MKLN1: variants seen among roughly 807,000 people sequenced by gnomAD.
MKLN1 encodes muskelin 1.
MKLN1 carries 18 observed loss-of-function variants against 99.0 expected under a neutral mutation model. The ratio of observed to expected loss-of-function variants is 0.18; its 90% CI spans 0.13 to 0.27. MKLN1 has a LOEUF of 0.27. Among genes scored for constraint, MKLN1 ranks in the 10% least tolerant of loss-of-function variants. The pLI is 1.00. For synonymous variants in MKLN1, 288 were observed against 293.2 expected, an observed-to-expected ratio of 0.98 and a Z score of 0.18; for missense variants, 621 against 875.9, an observed-to-expected ratio of 0.71 and a Z score of 3.67.
At chr7:131,373,167 G>C (rs1563316763) in intron 1 of MKLN1, among the ~76,000 whole-genome samples, 1 of 151,964 alleles carries the variant, frequency 6.6e-6, no homozygotes, top group Non-Finnish European at 1.5e-5. Flanking sequence ...AAATATAAGA[G>C]TAACATTTTA....
rs188039811 is a variant in MKLN1, at chr7:131,158,608, T to G, written c.-297+15667T>G. On this transcript the variant is annotated intron_variant, in intron 2 of 7. Transcript: ENST00000416992. ...TTTCTCTAGATCACACACTTTCCAC[T>G]GATGCCTAAAGTCTTACTGTTTAAT... 2.9e-3 allele frequency among the ~76,000 whole-genome samples: 446 copies of G among 152,326 alleles called. 1 individual carries two copies. The highest frequency in any genetic ancestry group is 0.01 in the African/African-American group (424 of 41,582).
chr7:131,329,472 T>C (rs1799004409), intron 1 of MKLN1, among the ~76,000 whole-genome samples: 1 of 152,248 alleles, frequency 6.6e-6, no homozygotes, highest in African/African-American at 2.4e-5. Context: ...TGACCTCTGA[T>C]ATTCTGGGCT....
chr7:131,187,807 C>A (rs1157228664), intron 2 of MKLN1, among the ~76,000 whole-genome samples: 2 of 152,054 alleles, frequency 1.3e-5, no homozygotes, highest in Non-Finnish European at 2.9e-5. Flanking sequence ...CACAAAAAAA[C>A]TAGCCAGGCA....
chr7:131,157,421 C>A (rs1231959505), intron 2 of MKLN1, among the ~76,000 whole-genome samples: 2 of 151,960 alleles, frequency 1.3e-5, no homozygotes, highest in Admixed American at 1.3e-4. Flanking sequence ...TTCCTTAGAG[C>A]AAAAATTTTT....
intron 3 of MKLN1, among the ~76,000 whole-genome samples, chr7:131,300,687 C>CA (rs35187256): frequency 0.022 from 2,565 of 118,550 alleles, 66 homozygotes; most frequent in African/African-American, 0.068. Flanking sequence ...GACCCTGTCT[C>CA]AAAAAAAAAA....
chr7:131,277,287 AT>A (rs760386545), intron 3 of MKLN1, among the ~76,000 whole-genome samples: 2,427 of 143,692 alleles, frequency 0.017, 21 homozygotes, highest in Non-Finnish European at 0.023. Flanking sequence ...TCAATTGTGC[AT>A]TTTTTTTTTT....
At chr7:131,474,647 G>A (rs929551840) in intron 16 of MKLN1, among the ~76,000 whole-genome samples, 1 of 152,082 alleles carries the variant, frequency 6.6e-6, no homozygotes, top group Non-Finnish European at 1.5e-5. Context: ...CAAATAAGTA[G>A]GAAATAAGAA....
At chr7:131,276,635 T>C (rs1293974251) in intron 3 of MKLN1, among the ~76,000 whole-genome samples, 1 of 152,166 alleles carries the variant, frequency 6.6e-6, no homozygotes, top group Non-Finnish European at 1.5e-5. Context: ...AGTCTGGGTC[T>C]CTGAGGAAGA....
chr7:131,381,145 C>T (rs1037269370), intron 2 of MKLN1, among the ~76,000 whole-genome samples: 2 of 152,132 alleles, frequency 1.3e-5, no homozygotes, highest in African/African-American at 4.8e-5. Context: ...TGTATTTTCT[C>T]CATAAGGCAT....
intron 3 of MKLN1, among the ~76,000 whole-genome samples, chr7:131,229,705 G>A (rs1479401116): frequency 6.6e-6 from 1 of 152,060 alleles, no homozygotes; most frequent in African/African-American, 2.4e-5. Flanking sequence ...ACAAGCCCAC[G>A]CCTCCACAGG....
chr7:131,395,446 A>ATCATTT, intron 4 of MKLN1, among the ~76,000 whole-genome samples: 1 of 111,406 alleles, frequency 9.0e-6, no homozygotes, highest in African/African-American at 3.5e-5. Context: ...ATTGGTAAAA[A>ATCATTT]TTATTTTTAT....
chr7:131,328,022 G>C (rs375109840), intron 1 of MKLN1, 25 bp downstream of exon 1: 2 of 1,612,416 alleles, frequency 1.2e-6, no homozygotes, highest in Non-Finnish European at 1.7e-6. Flanking sequence ...TTGAGCTCGT[G>C]CTGCCCCACC....
At chr7:131,446,278 G>T (rs573809405) in intron 12 of MKLN1, among the ~76,000 whole-genome samples, 14 of 152,122 alleles carry the variant, frequency 9.2e-5, no homozygotes, top group Admixed American at 8.5e-4. Context: ...GTGTCTTAAG[G>T]GGGGAACTTC....
chr7:131,374,350 T>C (rs1356572802), intron 1 of MKLN1, among the ~76,000 whole-genome samples: 1 of 152,086 alleles, frequency 6.6e-6, no homozygotes, highest in Non-Finnish European at 1.5e-5. Flanking sequence ...GTGGACAGAA[T>C]TAGAAAATAC....
intron 2 of MKLN1, among the ~76,000 whole-genome samples, chr7:131,166,519 C>T (rs79547433): frequency 0.069 from 10,467 of 152,188 alleles, 422 homozygotes; most frequent in Middle Eastern, 0.14. Flanking sequence ...CTTCCTTACC[C>T]GCTTCTCGCT....
chr7:131,172,854 C>T (rs1206927952), intron 2 of MKLN1, among the ~76,000 whole-genome samples: 1 of 152,084 alleles, frequency 6.6e-6, no homozygotes, highest in Non-Finnish European at 1.5e-5. Flanking sequence ...GTATTAATTC[C>T]ACTGTAAATC....
chr7:131,445,694 T>G (rs1332122146), intron 11 of MKLN1, 80 bp from the exon 12 acceptor site: 1 of 1,237,956 alleles, frequency 8.1e-7, no homozygotes, highest in Non-Finnish European at 1.1e-6. Context: ...TTGTAGAGGT[T>G]TAAGTTTTTA....
At chr7:131,305,288 G>T (rs1238647197) in intron 3 of MKLN1, among the ~76,000 whole-genome samples, 2 of 152,144 alleles carry the variant, frequency 1.3e-5, no homozygotes, top group African/African-American at 4.8e-5. Flanking sequence ...GTGTTCCTTT[G>T]CCTGAAAAAT....
In MKLN1 at chr7:131,437,821, A is replaced by G; in HGVS notation, c.997A>G (p.Ile333Val). ...TGCCAGATCGTGTCATAAAATGTGC[A>G]TTGATATTCAACGGAGGCAAATCTA... ...PSARSCHKMC[I>V]DIQRRQIYTL... The change falls in exon 10 of 18, where the codon ATT (isoleucine) becomes GTT (valine). Residue 333 changes from isoleucine to valine, a missense_variant. Coordinates refer to ENST00000352689, the MANE Select transcript of MKLN1 (RefSeq NM_013255.5). 1.2e-6 allele frequency: 2 copies of G among 1,613,702 alleles called. No individual in the cohort carries two copies. Among genetic ancestry groups the G allele is most frequent in the South Asian group, 1.1e-5 (1 of 91,066 alleles).
Sources: gnomAD v4.1 joint callset for allele counts (sites outside exome capture counted in the v4.1 genomes callset) on GRCh38, gnomAD v4.1.1 for gene constraint, MANE v1.5 for transcripts, NCBI Gene and HGNC (gene_info 2026-07-23, HGNC 2026-07-21) for gene names.